The following TBC1D32 variants were observed in gnomAD, a reference collection of about 807,000 sequenced individuals.
TBC1D32 encodes the protein TBC1 domain family member 32.
Under a neutral mutation model 170.3 loss-of-function variants are expected in TBC1D32, and 151 were observed. The ratio of observed to expected loss-of-function variants is 0.89; its 90% CI spans 0.78 to 1.01. The LOEUF (loss-of-function observed/expected upper bound fraction) is 1.01. Ranked by LOEUF, TBC1D32 falls within the 50% of genes least tolerant of loss-of-function variation. TBC1D32 has a pLI of 0.00. For synonymous variants in TBC1D32, 498 were observed against 488.0 expected (o/e 1.02, Z -0.27); for missense variants, 1,464 against 1,457.1 (o/e 1.00, Z -0.08).
chr6:121,259,069 G>A (rs1300380686), intron 15 of TBC1D32, among the ~76,000 whole-genome samples: 2 of 151,940 alleles, frequency 1.3e-5, no homozygotes, highest in African/African-American at 4.8e-5. Flanking sequence ...AGGCAAAGTC[G>A]GGTGGATCAC....
chr6:121,101,419 G>A (rs1161350066), intron 30 of TBC1D32, among the ~76,000 whole-genome samples: 3 of 151,720 alleles, frequency 2.0e-5, no homozygotes, highest in African/African-American at 4.8e-5. Context: ...CATGGGATGC[G>A]AAGCTGGTTC....
intron 15 of TBC1D32, among the ~76,000 whole-genome samples, chr6:121,267,910 C>T (rs1384436175): frequency 6.6e-6 from 1 of 152,102 alleles, no homozygotes; most frequent in Non-Finnish European, 1.5e-5. Flanking sequence ...GATGAAGCTT[C>T]CAGTGGAACG....
intron 25 of TBC1D32, chr6:121,129,896 A>C (rs971156732): frequency 2.2e-6 from 1 of 451,878 alleles, no homozygotes; most frequent in Admixed American, 2.4e-5. Flanking sequence ...ATGGTATCTC[A>C]CACAGGAAAA....
chr6:121,252,234 A>C (rs1179617829), intron 17 of TBC1D32, among the ~76,000 whole-genome samples: 4 of 152,218 alleles, frequency 2.6e-5, no homozygotes, highest in Non-Finnish European at 5.9e-5. Context: ...TATATACCCG[A>C]AGGATTATGA....
intron 24 of TBC1D32, among the ~76,000 whole-genome samples, chr6:121,154,507 G>C (rs1447287566): frequency 6.6e-6 from 1 of 152,136 alleles, no homozygotes; most frequent in Non-Finnish European, 1.5e-5. Flanking sequence ...TTAGATTCTT[G>C]ATATTAGCTC....
intron 22 of TBC1D32, among the ~76,000 whole-genome samples, chr6:121,193,733 G>A (rs1041240681): frequency 3.3e-5 from 5 of 152,222 alleles, no homozygotes; most frequent in South Asian, 4.2e-4. Context: ...TGAAATTGTC[G>A]GGAAGCCTAA....
At chr6:121,136,290 T>A (rs137905193) in intron 24 of TBC1D32, among the ~76,000 whole-genome samples, 1 of 152,152 alleles carries the variant, frequency 6.6e-6, no homozygotes, top group African/African-American at 2.4e-5. Flanking sequence ...AACATGATGC[T>A]AAGAGAAAGG....
intron 17 of TBC1D32, among the ~76,000 whole-genome samples, chr6:121,251,135 G>C (rs898488396): frequency 1.3e-5 from 2 of 152,062 alleles, no homozygotes; most frequent in African/African-American, 4.8e-5. Context: ...AATCAATATT[G>C]TGAAAATGGT....
intron 22 of TBC1D32, among the ~76,000 whole-genome samples, chr6:121,175,179 A>G (rs1787597850): frequency 6.6e-6 from 1 of 152,170 alleles, no homozygotes; most frequent in Admixed American, 6.6e-5. Flanking sequence ...GTAGGTTAAG[A>G]AGGTTTAGGG....
In TBC1D32 at chr6:121,281,623, C is replaced by G. The variant is rs751049160; in HGVS notation, c.1529G>C (p.Cys510Ser). Residue 510 changes from cysteine (C) to serine (S), a missense_variant, in exon 14 of 32, where the codon TGT becomes TCT. This residue lies in a region of TBC1D32 where 1,363 missense variants were observed against 1,338.1 expected (regional missense o/e 1.02). Transcript: ENST00000398212. ...GTTGTTATATAAGCATTCCACTGCA[C>G]ATTCTTTTTGATCACTGAGTATCCA... ...VLWILSDQKE[C>S]AVECLYNNIV... 2.5e-6 allele frequency: 4 copies of G among 1,607,348 alleles called. No individual in the cohort carries two copies. The South Asian group carries it at 4.4e-5, about 18-fold the overall frequency.
At chr6:121,314,647 G>A (rs565769822) in intron 3 of TBC1D32, among the ~76,000 whole-genome samples, 12 of 152,246 alleles carry the variant, frequency 7.9e-5, no homozygotes, top group Non-Finnish European at 1.2e-4. Context: ...CACAATGCCC[G>A]TGCTGTACTA....
intron 10 of TBC1D32, among the ~76,000 whole-genome samples, chr6:121,296,934 T>C (rs1805730942): frequency 2.0e-5 from 3 of 152,110 alleles, no homozygotes; most frequent in African/African-American, 4.8e-5. Context: ...AAAGACTCTT[T>C]CGTTCATTTG....
intron 30 of TBC1D32, among the ~76,000 whole-genome samples, chr6:121,092,298 T>TTG (rs1776895623): frequency 1.3e-5 from 1 of 79,408 alleles, no homozygotes; most frequent in Non-Finnish European, 2.0e-5. Context: ...TTTATGTTTT[T>TTG]TTTTTTTTTT....
At chr6:121,197,080 T>G (rs1237520568) in intron 22 of TBC1D32, among the ~76,000 whole-genome samples, 1 of 152,188 alleles carries the variant, frequency 6.6e-6, no homozygotes, top group East Asian at 1.9e-4. Flanking sequence ...CTCCTACATT[T>G]AAGTCAACAG....
intron 26 of TBC1D32, among the ~76,000 whole-genome samples, chr6:121,125,161 C>T (rs764551581): frequency 1.3e-5 from 2 of 152,118 alleles, no homozygotes; most frequent in Admixed American, 6.5e-5. Flanking sequence ...TTATTTGTGC[C>T]TATCTTTCTA....
At chr6:121,268,294 C>T (rs547269494) in intron 15 of TBC1D32, among the ~76,000 whole-genome samples, 13 of 152,152 alleles carry the variant, frequency 8.5e-5, no homozygotes, top group African/African-American at 2.2e-4. Flanking sequence ...TTCAGATGAT[C>T]GGTAATAACA....
chr6:121,082,024 C>A (rs986218363), intron 31 of TBC1D32, among the ~76,000 whole-genome samples: 4 of 151,968 alleles, frequency 2.6e-5, no homozygotes, highest in Non-Finnish European at 5.9e-5. Context: ...GAACAAATAC[C>A]TTCCAATGTA....
chr6:121,149,022 T>C (rs1172612254), intron 24 of TBC1D32, among the ~76,000 whole-genome samples: 2 of 142,940 alleles, frequency 1.4e-5, no homozygotes, highest in African/African-American at 6.1e-5. Flanking sequence ...GATGAGCTAT[T>C]TTTTTTCATG....
intron 22 of TBC1D32, among the ~76,000 whole-genome samples, chr6:121,194,463 C>T (rs1351248839): frequency 6.6e-6 from 1 of 152,208 alleles, no homozygotes; most frequent in African/African-American, 2.4e-5. Context: ...CCCACCATAT[C>T]CCCATTCAAC....
Sources: gnomAD v4.1 joint callset for allele counts (sites outside exome capture counted in the v4.1 genomes callset) on GRCh38, gnomAD v4.1.1 for gene constraint, gnomAD v4.1.1 regional missense constraint, MANE v1.5 for transcripts, NCBI Gene and HGNC (gene_info 2026-07-23, HGNC 2026-07-21) for gene names.